CLASP1: variants seen among roughly 807,000 people sequenced by gnomAD.
CLASP1 encodes CLIP-associating protein 1.
A neutral mutation model predicts 192.3 loss-of-function variants in CLASP1; 38 were observed. That is an observed-to-expected ratio of 0.20 (90% CI 0.15 to 0.26). The LOEUF is 0.26. Among genes scored for constraint, CLASP1 ranks in the 10% least tolerant of loss-of-function variants. The pLI is 1.00. For missense variants in CLASP1, 1,433 were observed against 1,932.5 expected, an observed-to-expected ratio of 0.74 and a Z score of 4.85; for synonymous variants, 691 against 712.8, an observed-to-expected ratio of 0.97 and a Z score of 0.49.
At chr2:121,575,977 A>G (rs1226913976) in intron 2 of CLASP1, among the ~76,000 whole-genome samples, 1 of 152,266 alleles carries the variant, frequency 6.6e-6, no homozygotes, top group Non-Finnish European at 1.5e-5. Context: ...AGCATGACAC[A>G]GGCCAAAGCT....
At chr2:121,546,516 G>A (rs2105083884) in intron 2 of CLASP1, among the ~76,000 whole-genome samples, 1 of 152,154 alleles carries the variant, frequency 6.6e-6, no homozygotes, top group African/African-American at 2.4e-5. Context: ...GGAGTGAAAT[G>A]GAGCCAGGGG....
intron 34 of CLASP1, among the ~76,000 whole-genome samples, chr2:121,371,572 G>C (rs1201262017): frequency 2.0e-5 from 3 of 151,992 alleles, no homozygotes; most frequent in Non-Finnish European, 4.4e-5. Context: ...CTTTTCTACT[G>C]TTCTTGATAG....
At chr2:121,565,884 C>T (rs1330250451) in intron 2 of CLASP1, among the ~76,000 whole-genome samples, 1 of 152,168 alleles carries the variant, frequency 6.6e-6, no homozygotes, top group Non-Finnish European at 1.5e-5. Context: ...CTGTAGTTAT[C>T]CACAGGTAAG....
chr2:121,399,465 T>C (rs1241922099), intron 28 of CLASP1, among the ~76,000 whole-genome samples: 3 of 152,112 alleles, frequency 2.0e-5, no homozygotes, highest in Non-Finnish European at 4.4e-5. Flanking sequence ...GTAATGGGTG[T>C]GTATAATCGG....
chr2:121,447,178 T>C (rs574548699), intron 19 of CLASP1, among the ~76,000 whole-genome samples, 159 bp downstream of exon 19: 12 of 152,212 alleles, frequency 7.9e-5, no homozygotes, highest in Non-Finnish European at 1.8e-4. Context: ...CAAGGGTGGC[T>C]GGCTGATCAG....
At chr2:121,445,058 G>T in intron 19 of CLASP1, 1 of 690,100 alleles carries the variant, frequency 1.4e-6, no homozygotes, top group South Asian at 1.5e-5. Flanking sequence ...TACTAAAAAA[G>T]CAAAAGTACA....
chr2:121,366,182 A>G (rs1446561115), intron 35 of CLASP1, among the ~76,000 whole-genome samples: 1 of 152,186 alleles, frequency 6.6e-6, no homozygotes, highest in African/African-American at 2.4e-5. Flanking sequence ...CAGTTGGTGA[A>G]TAACCAACAC....
At chr2:121,568,094 C>T (rs1039774203) in intron 2 of CLASP1, among the ~76,000 whole-genome samples, 6 of 152,120 alleles carry the variant, frequency 3.9e-5, no homozygotes, top group African/African-American at 1.4e-4. Flanking sequence ...AGCACCAGTA[C>T]AGAACAGAGG....
intron 8 of CLASP1, among the ~76,000 whole-genome samples, chr2:121,474,019 C>G (rs1035783384): frequency 6.6e-6 from 1 of 152,154 alleles, no homozygotes; most frequent in South Asian, 2.1e-4. Flanking sequence ...ACAGTAGATA[C>G]AGTAAATATG....
chr2:121,447,595 G>C, intron 18 of CLASP1, 88 bp from the exon 19 acceptor site: 1 of 1,105,432 alleles, frequency 9.0e-7, no homozygotes, highest in Non-Finnish European at 1.3e-6. Flanking sequence ...TTGCTTTCCT[G>C]AAAACAAATA....
rs190129500 is a variant in CLASP1 at position 121,447,549 on chromosome 2, A to C, written c.1742-42T>G. On this transcript the variant is annotated intron_variant, in intron 18 of 39. Transcript: ENST00000263710. ...GGAAATATGAATAAGGACTACATAG[A>C]ATTTTGAAAATACATTGCTAAAATC... 8.3e-6 allele frequency: 12 copies of C among 1,440,744 alleles called. No homozygotes were observed. The East Asian group carries it at 3.0e-4, about 36-fold the overall frequency. The allele number at this position is 1,440,744 out of a possible 1,614,324, so 89.2% of individuals were successfully genotyped here. A position where few individuals can be genotyped will look rare whatever the true frequency, so the allele number is the denominator to read the frequency against.
At chr2:121,518,231 CAA>C (rs35409200) in intron 6 of CLASP1, among the ~76,000 whole-genome samples, 1,054 of 49,554 alleles carry the variant, frequency 0.021, 3 homozygotes, top group African/African-American at 0.066. Context: ...ACCCCCGTCT[CAA>C]AAAAAAAAAA....
At chr2:121,473,735 A>C (rs2091169649) in intron 8 of CLASP1, among the ~76,000 whole-genome samples, 1 of 152,254 alleles carries the variant, frequency 6.6e-6, no homozygotes, top group Admixed American at 6.5e-5. Flanking sequence ...CATAGCACAC[A>C]GAAGAACAAG....
At position 121,525,933 on chromosome 2, in the gene CLASP1, G is replaced by C; in HGVS notation, c.471-13C>G. 3 of 1,606,014 alleles carry C rather than the reference G, an allele frequency of 1.9e-6. No individual in the cohort carries two copies. The highest frequency in any genetic ancestry group is 2.6e-6 in the Non-Finnish European group (3 of 1,173,760). ...CTGTGCTCCAGAGCTGAAAACAAAA[G>C]GAGTGCTTTCTTGTTAGTGAGAACT... On this transcript the variant is annotated splice_polypyrimidine_tract_variant and intron_variant, in intron 5 of 39. Coordinates refer to ENST00000263710, the Ensembl canonical transcript of CLASP1.
At chr2:121,564,151 C>T (rs1226976531) in intron 2 of CLASP1, among the ~76,000 whole-genome samples, 3 of 152,124 alleles carry the variant, frequency 2.0e-5, no homozygotes, top group Non-Finnish European at 4.4e-5. Flanking sequence ...AATACAAAGC[C>T]AAACCACATC....
rs536655206 is a variant in CLASP1, at chr2:121,639,475, C to T, written c.-286+9897G>A. Among the ~76,000 whole-genome samples the T allele has an allele frequency of 1.6e-4, 25 of 152,208 alleles. No homozygotes were observed. In the South Asian group the frequency reaches 5.2e-3, roughly 32 times the overall value. ...TTATTGCTTAATGGCTACAGAGTTT[C>T]TATTTGGGATGATGGAAAAGATTTG... On this transcript the variant is annotated intron_variant, in intron 1 of 39. Transcript: ENST00000263710.
intron 11 of CLASP1, 55 bp from the exon 12 acceptor site, chr2:121,460,180 A>G: frequency 7.1e-7 from 1 of 1,404,344 alleles, no homozygotes; most frequent in Non-Finnish European, 9.8e-7. Context: ...CACAGACTAT[A>G]CACAACAAAA....
chr2:121,531,213 C>G (rs1215142014), intron 2 of CLASP1, among the ~76,000 whole-genome samples: 2 of 152,124 alleles, frequency 1.3e-5, no homozygotes, highest in East Asian at 1.9e-4. Context: ...ATCAACTGTT[C>G]TGTAACTTCC....
At chr2:121,473,403 T>C (rs1559345982) in intron 8 of CLASP1, among the ~76,000 whole-genome samples, 1 of 151,878 alleles carries the variant, frequency 6.6e-6, no homozygotes, top group Admixed American at 6.6e-5. Flanking sequence ...GCAATAGAAT[T>C]TATCCAAAAT....
Sources: gnomAD v4.1 joint callset for allele counts (sites outside exome capture counted in the v4.1 genomes callset) on GRCh38, gnomAD v4.1.1 for gene constraint, MANE v1.5 for transcripts, NCBI Gene and HGNC (gene_info 2026-07-23, HGNC 2026-07-21) for gene names.